FRS2: variants seen among roughly 807,000 people sequenced by gnomAD.
FRS2 encodes the protein FGFR signalling adaptor.
In FRS2, 8 loss-of-function variants were observed where a neutral mutation model predicts 43.9. That is an observed-to-expected ratio of 0.18 (90% CI 0.11 to 0.33). The LOEUF is 0.33. Ranked by LOEUF, FRS2 falls within the 10% of genes least tolerant of loss-of-function variation. FRS2 has a pLI of 1.00. For missense variants in FRS2, 534 were observed against 627.6 expected (o/e 0.85, Z 1.59); for synonymous variants, 219 against 220.3 (o/e 0.99, Z 0.05).
At chr12:69,525,746 G>A (rs1265996120) in intron 1 of FRS2, among the ~76,000 whole-genome samples, 1 of 151,826 alleles carries the variant, frequency 6.6e-6, no homozygotes, top group Non-Finnish European at 1.5e-5. Flanking sequence ...CAACCAAGTG[G>A]TATGTGTTTT....
intron 1 of FRS2, among the ~76,000 whole-genome samples, chr12:69,526,377 T>C (rs1380722643): frequency 5.3e-5 from 8 of 152,222 alleles, no homozygotes; most frequent in Admixed American, 4.6e-4. Flanking sequence ...ATACAGTGGG[T>C]ATATTACTTT....
chr12:69,537,237 A>G (rs1361419935), intron 3 of FRS2, among the ~76,000 whole-genome samples: 2 of 152,290 alleles, frequency 1.3e-5, no homozygotes, highest in Non-Finnish European at 1.5e-5. Context: ...TAGACAAATT[A>G]CTGTTTTAGG....
chr12:69,549,685 A>G (rs1222921473), intron 3 of FRS2, among the ~76,000 whole-genome samples: 1 of 152,190 alleles, frequency 6.6e-6, no homozygotes, highest in Non-Finnish European at 1.5e-5. Context: ...CAAGCCTATT[A>G]TTCCATAAGA....
At chr12:69,551,393 T>G (rs1878861789) in intron 3 of FRS2, among the ~76,000 whole-genome samples, 1 of 152,174 alleles carries the variant, frequency 6.6e-6, no homozygotes, top group Non-Finnish European at 1.5e-5. Flanking sequence ...AGTAATTATA[T>G]GTTATTGTAA....
intron 3 of FRS2, among the ~76,000 whole-genome samples, chr12:69,550,265 A>T (rs1878760370): frequency 2.6e-5 from 4 of 152,194 alleles, no homozygotes; most frequent in Non-Finnish European, 4.4e-5. Context: ...TAAGGCTAGC[A>T]CTTAAGTATC....
At chr12:69,542,062 A>T (rs926787779) in intron 3 of FRS2, among the ~76,000 whole-genome samples, 1 of 152,122 alleles carries the variant, frequency 6.6e-6, no homozygotes, top group Non-Finnish European at 1.5e-5. Context: ...ATTAAAGCAG[A>T]TATTATCAGG....
At chr12:69,541,414 G>A (rs910390882) in intron 3 of FRS2, among the ~76,000 whole-genome samples, 3 of 152,122 alleles carry the variant, frequency 2.0e-5, no homozygotes, top group African/African-American at 7.2e-5. Flanking sequence ...ACCTTAGAAT[G>A]TATAATTTAA....
At chr12:69,539,823 C>T (rs540158180) in intron 3 of FRS2, among the ~76,000 whole-genome samples, 32 of 151,952 alleles carry the variant, frequency 2.1e-4, no homozygotes, top group African/African-American at 3.9e-4. Context: ...GGCAGGGTGG[C>T]GGGCGCCTGT....
intron 1 of FRS2, among the ~76,000 whole-genome samples, chr12:69,513,859 C>G (rs1396801695): frequency 6.6e-6 from 1 of 152,032 alleles, no homozygotes; most frequent in East Asian, 1.9e-4. Context: ...GAGTTGTTTT[C>G]CTGTGATATC....
chr12:69,498,378 ATGAGT>A (rs1301793756), intron 1 of FRS2, among the ~76,000 whole-genome samples: 1 of 152,152 alleles, frequency 6.6e-6, no homozygotes, highest in Non-Finnish European at 1.5e-5. Context: ...AAGTTTTGAG[ATGAGT>A]TGAGTATTAA....
Position 69,571,583 on chromosome 12 carries a change from C to T in FRS2, c.412+149C>T, listed in dbSNP as rs566041139. On this transcript the variant is annotated intron_variant, in intron 7 of 8. Coordinates refer to ENST00000549921, the MANE Select transcript of FRS2 (RefSeq NM_001278356.2). ...TCAGTTTTTAAAAACAGCTGTAGGCCGGGCGCAGTGGCTCACGCCTGTAAT... is the reference window on the plus strand; with the variant it reads ...TCAGTTTTTAAAAACAGCTGTAGGCTGGGCGCAGTGGCTCACGCCTGTAAT... 3.4e-5 allele frequency: 23 copies of T among 677,500 alleles called. No individual in the cohort carries two copies. The Admixed American group carries it at 5.7e-4, about 17-fold the overall frequency. 42.0% of individuals were successfully genotyped at this position (677,500 alleles called of 1,614,324 possible).
intron 1 of FRS2, among the ~76,000 whole-genome samples, chr12:69,521,839 C>G (rs1323011702): frequency 3.3e-5 from 5 of 152,188 alleles, no homozygotes; most frequent in African/African-American, 1.2e-4. Flanking sequence ...TGGTCTCGAT[C>G]TCCTGACCTC....
intron 1 of FRS2, among the ~76,000 whole-genome samples, chr12:69,499,229 G>A (rs1268843357): frequency 6.6e-6 from 1 of 152,148 alleles, no homozygotes; most frequent in African/African-American, 2.4e-5. Flanking sequence ...TCAGGCAATT[G>A]TGTGTATAGT....
At chr12:69,560,789 A>T (rs1879812972) in intron 3 of FRS2, among the ~76,000 whole-genome samples, 1 of 152,192 alleles carries the variant, frequency 6.6e-6, no homozygotes, top group Non-Finnish European at 1.5e-5. Flanking sequence ...TTTACTAAGT[A>T]TCATAGTCAA....
intron 4 of FRS2, among the ~76,000 whole-genome samples, chr12:69,563,217 A>G (rs1031186893): frequency 1.3e-5 from 2 of 152,192 alleles, no homozygotes; most frequent in African/African-American, 4.8e-5. Flanking sequence ...TAAATGCAGA[A>G]TATCTAGTAT....
Position 69,578,728 on chromosome 12 carries a change from C to CCAT in FRS2, c.*3774_*3775insATC, listed in dbSNP as rs1209636092. Reference sequence around the variant, plus strand: ...ATAATATTGTAAGACTATTGTATGTCCTAATTTGCATTATAAATGTTTTTT... The same window carrying CCAT: ...ATAATATTGTAAGACTATTGTATGTCCATCTAATTTGCATTATAAATGTTTTTT... On this transcript the variant is annotated 3_prime_UTR_variant, in exon 9 of 9. Transcript: ENST00000549921. The CCAT allele has an allele frequency of 1.3e-5, 2 of 152,458 alleles. No individual in the cohort carries two copies. The highest frequency in any genetic ancestry group is 4.8e-5 in the African/African-American group (2 of 41,364). The allele number at this position is 152,458 out of a possible 1,614,324, so 9.4% of individuals were successfully genotyped here.
intron 7 of FRS2, 127 bp from the exon 8 acceptor site, chr12:69,571,991 T>C: frequency 1.6e-6 from 1 of 609,262 alleles, no homozygotes; most frequent in Non-Finnish European, 2.9e-6. Context: ...TAATACTATT[T>C]GTGCTCTGAT....
intron 1 of FRS2, among the ~76,000 whole-genome samples, chr12:69,477,374 CT>C (rs1467178336): frequency 6.7e-6 from 1 of 149,542 alleles, no homozygotes; most frequent in Admixed American, 6.7e-5. Flanking sequence ...TCCGCCTCTC[CT>C]GGGTTCACGC....
At chr12:69,523,355 T>G (rs1875881163) in intron 1 of FRS2, among the ~76,000 whole-genome samples, 1 of 152,230 alleles carries the variant, frequency 6.6e-6, no homozygotes, top group Non-Finnish European at 1.5e-5. Flanking sequence ...TTTTTTGATC[T>G]TTGTTGGTTT....
Sources: allele counts gnomAD v4.1 joint callset (sites outside exome capture counted in the v4.1 genomes callset), GRCh38; gene constraint gnomAD v4.1.1; transcripts MANE v1.5; gene names NCBI Gene and HGNC (gene_info 2026-07-23, HGNC 2026-07-21).